The following DISC1 variants were observed in gnomAD, a reference collection of about 807,000 sequenced individuals.
DISC1 encodes the protein disrupted in schizophrenia 1 protein.
Under a neutral mutation model 84.5 loss-of-function variants are expected in DISC1, and 57 were observed. That is an observed-to-expected ratio of 0.67 (90% confidence interval 0.55 to 0.84). The LOEUF (loss-of-function observed/expected upper bound fraction) is 0.84, where lower values mean the gene tolerates loss of function less well. Among genes scored for constraint, DISC1 ranks in the 40% least tolerant of loss-of-function variants. The pLI is 0.00. For missense variants in DISC1, 1,000 were observed against 1,057.8 expected (o/e 0.95, Z 0.76); for synonymous variants, 411 against 415.2 (o/e 0.99, Z 0.12).
At chr1:231,778,354 T>A (rs2077119319) in intron 6 of DISC1, among the ~76,000 whole-genome samples, 1 of 152,250 alleles carries the variant, frequency 6.6e-6, no homozygotes, top group Non-Finnish European at 1.5e-5. Context: ...TACAATACTT[T>A]GCACTTTAGT....
intron 10 of DISC1, among the ~76,000 whole-genome samples, chr1:231,970,353 A>G (rs1242881074): frequency 1.3e-5 from 2 of 152,208 alleles, no homozygotes; most frequent in Non-Finnish European, 2.9e-5. Flanking sequence ...ATGGCCACTG[A>G]TCATGATGAC....
Position 231,818,467 on chromosome 1 carries a change from A to T in DISC1, c.1931A>T (p.Glu644Val), listed in dbSNP as rs1558602879. The change falls in exon 9 of 13, where the codon GAA becomes GTA. Residue 644 changes from glutamate to valine, a missense_variant. By Grantham distance (121) the Glu-to-Val change is moderately radical. Coordinates refer to ENST00000439617, the MANE Select transcript of DISC1 (RefSeq NM_018662.3). ...GTCAAAAAGCTGGGAAGTGTTAAAG[A>T]AGATTACAACAGACTGAGAAGAGAA... is the stretch of plus-strand genomic sequence containing the variant. Reference protein sequence around the residue: ...RNVKKLGSVKEDYNRLRREVE... With the variant: ...RNVKKLGSVKVDYNRLRREVE... 2 of 1,614,082 alleles carry T rather than the reference A, an allele frequency of 1.2e-6. No homozygotes were observed. Among genetic ancestry groups the T allele is most frequent in the Admixed American group, 1.7e-5 (1 of 59,998 alleles).
At chr1:231,689,263 C>A (rs1282896834) in intron 1 of DISC1, among the ~76,000 whole-genome samples, 4 of 152,094 alleles carry the variant, frequency 2.6e-5, no homozygotes, top group African/African-American at 9.7e-5. Context: ...AGCATTTTCC[C>A]TTCAGGAGAC....
In DISC1 at chr1:231,767,226, T is replaced by C. The variant is rs778978721; in HGVS notation, c.1355T>C (p.Ile452Thr). 1.2e-6 allele frequency: 2 copies of C among 1,614,176 alleles called. No homozygotes were observed. Among genetic ancestry groups the C allele is most frequent in the Admixed American group, 3.3e-5 (2 of 60,026 alleles). ...PTAQDSLHVS[I>T]TRRDWLLQEK... ...GCTCAGGACAGCTTGCACGTGTCCA[T>C]CACGAGACGAGACTGGCTTCTTCAG... The change falls in exon 5 of 13, where the codon ATC becomes ACC. Residue 452 changes from isoleucine (I) to threonine (T), a missense_variant. Transcript: ENST00000439617.
At chr1:231,669,602 A>G (rs1461785326) in intron 1 of DISC1, among the ~76,000 whole-genome samples, 1 of 152,230 alleles carries the variant, frequency 6.6e-6, no homozygotes, top group Admixed American at 6.5e-5. Context: ...ACATACATGC[A>G]GACAACAATC....
At chr1:231,746,499 A>G (rs1253779934) in intron 3 of DISC1, among the ~76,000 whole-genome samples, 3 of 152,218 alleles carry the variant, frequency 2.0e-5, no homozygotes, top group South Asian at 2.1e-4. Context: ...TGATTGTTCT[A>G]TTTGTAGTTT....
chr1:231,957,550 A>G lies in DISC1; in HGVS notation c.1982-1278A>G, dbSNP rs140681924. 3.6e-3 allele frequency among the ~76,000 whole-genome samples: 550 copies of G among 152,252 alleles called. 5 individuals are homozygous for G. The highest frequency in any genetic ancestry group is 0.014 in the Middle Eastern group (4 of 294). ...CTAGAACAGTGTGTGGCACATAAAT[A>G]TGTATGGGATGTGAAACAGAGAGGG... On this transcript the variant is annotated intron_variant, in intron 9 of 12. Coordinates refer to ENST00000439617, the MANE Select transcript of DISC1 (RefSeq NM_018662.3).
At chr1:231,875,854 G>C (rs1318461249) in intron 9 of DISC1, among the ~76,000 whole-genome samples, 2 of 152,022 alleles carry the variant, frequency 1.3e-5, no homozygotes, top group Non-Finnish European at 2.9e-5. Context: ...CACAAATAAA[G>C]AGGACAAAAG....
chr1:231,927,851 A>G (rs988775628), intron 9 of DISC1, among the ~76,000 whole-genome samples: 1 of 152,174 alleles, frequency 6.6e-6, no homozygotes, highest in Non-Finnish European at 1.5e-5. Flanking sequence ...CCCAACACCT[A>G]TACCTGGCTG....
At chr1:231,886,771 CTT>C (rs61498946) in intron 9 of DISC1, among the ~76,000 whole-genome samples, 55 of 73,534 alleles carry the variant, frequency 7.5e-4, no homozygotes, top group African/African-American at 2.5e-3. Context: ...TCCTTCCTTT[CTT>C]TCTTTCTTTC....
intron 8 of DISC1, among the ~76,000 whole-genome samples, chr1:231,816,523 G>A (rs1190427511): frequency 6.7e-6 from 1 of 148,768 alleles, no homozygotes. Flanking sequence ...TTTTTTTTTT[G>A]TAGAAGCTTT....
intron 1 of DISC1, among the ~76,000 whole-genome samples, chr1:231,628,903 A>C (rs1025580955): frequency 6.6e-6 from 1 of 151,680 alleles, no homozygotes; most frequent in South Asian, 2.1e-4. Flanking sequence ...CACCATGCCC[A>C]GCTAATTTTT....
At chr1:231,651,309 C>T (rs1305520124) in intron 1 of DISC1, among the ~76,000 whole-genome samples, 1 of 152,196 alleles carries the variant, frequency 6.6e-6, no homozygotes, top group African/African-American at 2.4e-5. Flanking sequence ...AGTTTTCCTT[C>T]TAACAATCAG....
At chr1:231,797,175 C>T (rs1032808679) in intron 7 of DISC1, among the ~76,000 whole-genome samples, 3 of 152,036 alleles carry the variant, frequency 2.0e-5, no homozygotes, top group Non-Finnish European at 4.4e-5. Context: ...TACAGGTGTG[C>T]CTATTATATA....
intron 9 of DISC1, among the ~76,000 whole-genome samples, chr1:231,951,963 G>A (rs1658452362): frequency 6.6e-6 from 1 of 151,540 alleles, no homozygotes; most frequent in South Asian, 2.1e-4. Flanking sequence ...AGCTATTCAA[G>A]TCTCAGCTGT....
At chr1:231,868,692 T>TTTTA (rs2085227096) in intron 9 of DISC1, among the ~76,000 whole-genome samples, 2 of 108,854 alleles carry the variant, frequency 1.8e-5, no homozygotes, top group South Asian at 3.7e-4. Context: ...ACCCCATCTC[T>TTTTA]TATATATATA....
intron 6 of DISC1, among the ~76,000 whole-genome samples, chr1:231,786,776 T>G (rs1214471601): frequency 2.0e-5 from 3 of 152,154 alleles, no homozygotes; most frequent in African/African-American, 4.8e-5. Context: ...ATCTACACCC[T>G]TCAAGGTAGC....
intron 8 of DISC1, 52 bp downstream of exon 8, chr1:231,800,262 C>A: frequency 7.4e-7 from 1 of 1,354,166 alleles, no homozygotes; most frequent in Non-Finnish European, 1.1e-6. Flanking sequence ...ATAATGACAG[C>A]TACCAGCACA....
At chr1:231,638,771 G>A (rs2059392983) in intron 1 of DISC1, among the ~76,000 whole-genome samples, 1 of 152,042 alleles carries the variant, frequency 6.6e-6, no homozygotes, top group South Asian at 2.1e-4. Context: ...TTTTTAATGA[G>A]TAAAATACCC....
Sources: gnomAD v4.1 joint callset for allele counts (sites outside exome capture counted in the v4.1 genomes callset) on GRCh38, gnomAD v4.1.1 for gene constraint, MANE v1.5 for transcripts, NCBI Gene and HGNC (gene_info 2026-07-23, HGNC 2026-07-21) for gene names.